Variants in FREM1 observed in about 807,000 individuals in gnomAD.
FREM1 encodes FRAS1-related extracellular matrix protein 1.
A neutral mutation model predicts 210.1 loss-of-function variants in FREM1; 220 were observed. The ratio of observed to expected loss-of-function variants is 1.05; its 90% CI spans 0.94 to 1.17. The LOEUF is 1.17. Among genes scored for constraint, FREM1 ranks in the 50% most tolerant of loss-of-function variants. The probability of loss-of-function intolerance (pLI) is 0.00; values close to 1 mark genes in which losing one functional copy is unlikely to be tolerated. For synonymous variants in FREM1, 1,189 were observed against 980.2 expected (o/e 1.21, Z -3.98); for missense variants, 3,454 against 2,675.5 (o/e 1.29, Z -6.42).
At chr9:14,855,808 C>A (rs1828626820) in intron 5 of FREM1, among the ~76,000 whole-genome samples, 1 of 150,366 alleles carries the variant, frequency 6.7e-6, no homozygotes, top group Non-Finnish European at 1.5e-5. Flanking sequence ...AAAATATAAA[C>A]AAATAAAGGC....
intron 1 of FREM1, among the ~76,000 whole-genome samples, chr9:14,891,268 A>G (rs182021015): frequency 3.2e-4 from 49 of 152,362 alleles, no homozygotes; most frequent in Non-Finnish European, 3.1e-4. Flanking sequence ...TGAGTATGAC[A>G]TATCATCTGT....
chr9:14,787,819 G>C (rs1160182343), intron 23 of FREM1, among the ~76,000 whole-genome samples: 1 of 152,122 alleles, frequency 6.6e-6, no homozygotes, highest in African/African-American at 2.4e-5. Context: ...ATACATTTAT[G>C]ATGAACATAG....
intron 3 of FREM1, among the ~76,000 whole-genome samples, chr9:14,860,557 A>ATGTGTGTATATATGTG (rs1564098689): frequency 8.4e-6 from 1 of 119,094 alleles, no homozygotes; most frequent in African/African-American, 4.0e-5. Context: ...ATATATATAC[A>ATGTGTGTATATATGTG]CACATATATA....
intron 5 of FREM1, 63 bp downstream of exon 5, chr9:14,857,490 C>G: frequency 7.4e-7 from 1 of 1,359,964 alleles, no homozygotes; most frequent in African/African-American, 1.4e-5. Context: ...CATGAGTAAG[C>G]CTGTGTAACT....
chr9:14,865,214 C>T (rs562707699), intron 2 of FREM1, among the ~76,000 whole-genome samples: 7 of 152,190 alleles, frequency 4.6e-5, no homozygotes, highest in East Asian at 1.9e-4. Context: ...ACTTTCTTAC[C>T]GCTATATTTC....
chr9:14,872,260 G>A (rs1832818581), intron 1 of FREM1, among the ~76,000 whole-genome samples: 1 of 152,146 alleles, frequency 6.6e-6, no homozygotes, highest in Admixed American at 6.5e-5. Context: ...ACCTTGGGCA[G>A]TATGGCCATT....
chr9:14,868,275 A>G (rs372512568), intron 2 of FREM1, among the ~76,000 whole-genome samples: 15 of 152,184 alleles, frequency 9.9e-5, no homozygotes, highest in Admixed American at 3.9e-4. Flanking sequence ...AATAACTCCA[A>G]TGTAATTCTC....
In FREM1 at chr9:14,773,727, A is replaced by G. The variant is rs73644850; in HGVS notation, c.4857+2062T>C. Reference sequence around the variant, plus strand: ...AACTTCCAATAGATAACTCTCTTACAATAGCCATGCTCTTTAAGATGAGTG... The same window carrying G: ...AACTTCCAATAGATAACTCTCTTACGATAGCCATGCTCTTTAAGATGAGTG... On this transcript the variant is annotated intron_variant, in intron 25 of 36. Transcript: ENST00000380880. Among the ~76,000 whole-genome samples the G allele has an allele frequency of 2.2e-3, 333 of 152,120 alleles. 1 individual carries two copies. The highest frequency in any genetic ancestry group is 7.6e-3 in the African/African-American group (316 of 41,492).
chr9:14,849,430 A>C (rs563204246), intron 6 of FREM1, among the ~76,000 whole-genome samples: 1 of 152,356 alleles, frequency 6.6e-6, no homozygotes, highest in South Asian at 2.1e-4. Context: ...GGGCTGCGTG[A>C]TAAGTTTTGA....
At chr9:14,908,719 A>G (rs1037778910) in intron 1 of FREM1, among the ~76,000 whole-genome samples, 2 of 152,232 alleles carry the variant, frequency 1.3e-5, no homozygotes, top group African/African-American at 4.8e-5. Flanking sequence ...CAAGAATTTC[A>G]TGTCAAGGAC....
chr9:14,891,727 G>T (rs1405636035), intron 1 of FREM1, among the ~76,000 whole-genome samples: 4 of 152,176 alleles, frequency 2.6e-5, no homozygotes, highest in African/African-American at 9.7e-5. Flanking sequence ...ATTGAGAAAG[G>T]TGCATAGGAA....
chr9:14,890,163 G>A (rs901628554), intron 1 of FREM1, among the ~76,000 whole-genome samples: 2 of 152,230 alleles, frequency 1.3e-5, no homozygotes, highest in Non-Finnish European at 2.9e-5. Context: ...AATTCCTCCA[G>A]TTCAAAATAT....
intron 7 of FREM1, among the ~76,000 whole-genome samples, 156 bp downstream of exon 7, chr9:14,848,509 C>A (rs1827088496): frequency 6.6e-6 from 1 of 152,158 alleles, no homozygotes; most frequent in Admixed American, 6.5e-5. Context: ...AATAAAAAAA[C>A]AACAACAAAA....
At chr9:14,794,591 A>G (rs1271064872) in intron 21 of FREM1, among the ~76,000 whole-genome samples, 1 of 152,230 alleles carries the variant, frequency 6.6e-6, no homozygotes, top group Non-Finnish European at 1.5e-5. Context: ...TACAGTAGCT[A>G]AAAGGAATAG....
intron 27 of FREM1, among the ~76,000 whole-genome samples, chr9:14,766,974 C>T (rs563709545): frequency 2.0e-5 from 3 of 152,302 alleles, no homozygotes; most frequent in East Asian, 3.9e-4. Context: ...TTAACTACAA[C>T]AGTAATCACC....
At position 14,816,985 on chromosome 9, in the gene FREM1, T is replaced by C. The variant is rs1820425429; in HGVS notation, c.2547-114A>G. On this transcript the variant is annotated intron_variant, in intron 14 of 36. Coordinates refer to ENST00000380880, the MANE Select transcript of FREM1 (RefSeq NM_001379081.2). ...GCCATGTGTTCACTAAATAAATAAA[T>C]AGCAACAACAACAACAACAAAAACC... 5 of 404,178 alleles carry C rather than the reference T, an allele frequency of 1.2e-5. No homozygotes were observed. The East Asian group carries it at 1.4e-4, about 11-fold the overall frequency. 25.0% of individuals were successfully genotyped at this position (404,178 alleles called of 1,614,324 possible). A position where few individuals can be genotyped will look rare whatever the true frequency, so the allele number is the denominator to read the frequency against.
At chr9:14,744,318 G>T (rs1198258298) in intron 35 of FREM1, among the ~76,000 whole-genome samples, 1 of 152,068 alleles carries the variant, frequency 6.6e-6, no homozygotes, top group Non-Finnish European at 1.5e-5. Context: ...TTTGCCAATT[G>T]TATATACATC....
intron 17 of FREM1, among the ~76,000 whole-genome samples, chr9:14,807,684 C>T (rs950746308): frequency 6.6e-6 from 1 of 152,012 alleles, no homozygotes; most frequent in Non-Finnish European, 1.5e-5. Context: ...GACACACACA[C>T]ACACACACAC....
chr9:14,816,898 C>G (rs1343957878), intron 14 of FREM1, 27 bp from the exon 15 acceptor site: 4 of 910,734 alleles, frequency 4.4e-6, no homozygotes, highest in Admixed American at 2.4e-5. Context: ...TGTCACCAAC[C>G]TCTTAGGAAC....
Sources: allele counts gnomAD v4.1 joint callset (sites outside exome capture counted in the v4.1 genomes callset), GRCh38; gene constraint gnomAD v4.1.1; transcripts MANE v1.5; gene names NCBI Gene and HGNC (gene_info 2026-07-23, HGNC 2026-07-21).